The following PPP1R1B variants were observed in gnomAD, a reference collection of about 807,000 sequenced individuals.
PPP1R1B encodes the protein protein phosphatase 1 regulatory inhibitor subunit 1B.
Under a neutral mutation model 28.2 loss-of-function variants are expected in PPP1R1B, and 13 were observed. That is an observed-to-expected ratio of 0.46 (90% CI 0.30 to 0.73). The LOEUF (loss-of-function observed/expected upper bound fraction) is 0.73. PPP1R1B is among the 30% of genes least tolerant of loss of function. The pLI is 0.07. For synonymous variants in PPP1R1B, 102 were observed against 97.5 expected (o/e 1.05, Z -0.27); for missense variants, 236 against 256.7 (o/e 0.92, Z 0.55).
intron 3 of PPP1R1B, 170 bp from the exon 4 acceptor site, chr17:39,629,802 A>T (rs2056862815): frequency 1.2e-6 from 1 of 828,728 alleles, no homozygotes; most frequent in Non-Finnish European, 1.9e-6. Context: ...GCCATGGCTT[A>T]TGGGGGGCCC....
chr17:39,629,792 G>A, intron 3 of PPP1R1B, 180 bp from the exon 4 acceptor site: 1 of 777,450 alleles, frequency 1.3e-6, no homozygotes, highest in Non-Finnish European at 2.1e-6. Flanking sequence ...CCTGAACCAG[G>A]CCATGGCTTA....
At chr17:39,635,234 AAAAC>A (rs938166670) in intron 5 of PPP1R1B, among the ~76,000 whole-genome samples, 6 of 151,968 alleles carry the variant, frequency 3.9e-5, no homozygotes, top group Non-Finnish European at 7.4e-5. Flanking sequence ...ACAACAAAAA[AAAAC>A]AAACAAACAA....
In PPP1R1B at chr17:39,634,076, C is replaced by T; in HGVS notation, c.435C>T (p.Ile145=). The change falls in exon 5 of 7, where the codon ATC becomes ATT. Residue 145 remains isoleucine, a synonymous_variant. Transcript: ENST00000254079. ...EDSQAEVLKV[I]RQSAGQKTTC... ...GCCAGGCTGAAGTCCTGAAGGTCAT[C>T]AGGCAGTCTGGTAAGCTGAGGGGCC... 1.1e-5 allele frequency: 18 copies of T among 1,613,830 alleles called. No individual in the cohort carries two copies. Among genetic ancestry groups the T allele is most frequent in the East Asian group, 2.2e-5 (1 of 44,892 alleles).
At chr17:39,626,820 C>T (rs1325391148), upstream of PPP1R1B, 1 of 152,488 alleles carries the variant, frequency 6.6e-6, no homozygotes, top group African/African-American at 2.4e-5. Flanking sequence ...CCTCCCAGCC[C>T]CAGGAGAACA....
chr17:39,628,457 G>A, intron 1 of PPP1R1B: 1 of 963,682 alleles, frequency 1.0e-6, no homozygotes. Flanking sequence ...GGGGAGGGGG[G>A]CGGTCAGTTG....
At chr17:39,633,823 C>G (rs1196394415) in intron 4 of PPP1R1B, 60 bp from the exon 5 acceptor site, 1 of 1,605,056 alleles carries the variant, frequency 6.2e-7, no homozygotes, top group East Asian at 2.2e-5. Flanking sequence ...CACAGGCTAT[C>G]TCCAGATCCA....
At position 39,629,549 on chromosome 17, in the gene PPP1R1B, C is replaced by G. The variant is rs201594054; in HGVS notation, c.152C>G (p.Ala51Gly). 9.9e-6 allele frequency: 16 copies of G among 1,613,718 alleles called. No homozygotes were observed. Among genetic ancestry groups the G allele is most frequent in the East Asian group, 8.9e-5 (4 of 44,866 alleles). ...LSEHSSPEEE[A>G]SPHQRASGEG... ...TGGTGGCCTTCCTCAGAGGAGGAAG[C>G]CTCCCCCCACCAGGTGAGTTTCCTG... is the stretch of plus-strand genomic sequence containing the variant. Residue 51 changes from alanine (A) to glycine (G), a missense_variant, in exon 3 of 7, where the codon GCC becomes GGC. Ala to Gly is a moderately conservative substitution (Grantham distance 60). Transcript: ENST00000254079.
chr17:39,627,525 C>A, intron 1 of PPP1R1B, 52 bp downstream of exon 1: 2 of 1,184,542 alleles, frequency 1.7e-6, no homozygotes, highest in South Asian at 1.5e-5. Flanking sequence ...CCCCGCGGGG[C>A]TTCTTCGCCC....
chr17:39,635,459 G>A (rs2056912222), intron 5 of PPP1R1B, 148 bp from the exon 6 acceptor site: 3 of 1,045,908 alleles, frequency 2.9e-6, no homozygotes, highest in Middle Eastern at 2.1e-4. Flanking sequence ...TAGTTGCTGG[G>A]AGAGCTGTTC....
intron 5 of PPP1R1B, 26 bp downstream of exon 5, chr17:39,634,112 G>A (rs748096609): frequency 1.2e-6 from 2 of 1,612,716 alleles, no homozygotes; most frequent in South Asian, 2.2e-5. Context: ...TGTGACATGT[G>A]GATTAGCTGT....
chr17:39,631,395 C>T (rs2056876339), intron 4 of PPP1R1B, among the ~76,000 whole-genome samples: 1 of 152,178 alleles, frequency 6.6e-6, no homozygotes, highest in African/African-American at 2.4e-5. Flanking sequence ...CAGAGGGGGA[C>T]TTCTGGGCCA....
upstream of PPP1R1B, chr17:39,626,924 A>C (rs1413905943): frequency 6.4e-6 from 1 of 156,946 alleles, no homozygotes; most frequent in African/African-American, 2.4e-5. Flanking sequence ...TGGGGACCCC[A>C]AAGCTGGGAC....
intron 5 of PPP1R1B, 55 bp downstream of exon 5, chr17:39,634,141 C>G (rs897642322): frequency 1.9e-6 from 3 of 1,600,268 alleles, no homozygotes; most frequent in Admixed American, 3.3e-5. Context: ...CTTGAGTATA[C>G]GAGGACGTCC....
In PPP1R1B at chr17:39,627,387, C is replaced by A; in HGVS notation, c.-6C>A. 1 of 1,598,150 alleles carries A rather than the reference C, an allele frequency of 6.3e-7. No homozygotes were observed. The stretch of plus-strand genomic sequence containing the variant: ...CACCCCAGCCCCACCGCCCACCCCG[C>A]GCGCCATGGACCCCAAGGACCGCAA... On this transcript the variant is annotated 5_prime_UTR_variant, in exon 1 of 7. Coordinates refer to ENST00000254079, the MANE Select transcript of PPP1R1B (RefSeq NM_032192.4).
intron 4 of PPP1R1B, 123 bp downstream of exon 4, chr17:39,630,170 C>A: frequency 1.1e-6 from 1 of 938,072 alleles, no homozygotes; most frequent in Non-Finnish European, 1.7e-6. Flanking sequence ...GTCAGCGTGG[C>A]GCAACAACCC....
At chr17:39,634,457 T>C (rs1433345084) in intron 5 of PPP1R1B, among the ~76,000 whole-genome samples, 2 of 152,190 alleles carry the variant, frequency 1.3e-5, no homozygotes, top group African/African-American at 4.8e-5. Context: ...GTCACCTGCA[T>C]TTCACCTACA....
At chr17:39,633,663 A>T in intron 4 of PPP1R1B, 1 of 642,070 alleles carries the variant, frequency 1.6e-6, no homozygotes, top group Non-Finnish European at 2.5e-6. Flanking sequence ...AGGACAGCTT[A>T]AGAGCCAAAC....
chr17:39,635,778 G>T (rs957223486), intron 6 of PPP1R1B, 38 bp from the exon 7 acceptor site: 13 of 1,612,520 alleles, frequency 8.1e-6, no homozygotes, highest in Middle Eastern at 3.3e-4. Context: ...CTTGGTGGGT[G>T]GGGCCAGGCC....
In PPP1R1B at chr17:39,629,305, C is replaced by G; in HGVS notation, c.142+75C>G. 9 of 1,488,980 alleles carry G rather than the reference C, an allele frequency of 6.0e-6. No individual in the cohort carries two copies. The Middle Eastern group carries it at 6.9e-4, about 114-fold the overall frequency. The allele number at this position is 1,488,980 out of a possible 1,614,324, so 92.2% of individuals were successfully genotyped here. A position where few individuals can be genotyped will look rare whatever the true frequency, so the allele number is the denominator to read the frequency against. On this transcript the variant is annotated intron_variant, in intron 2 of 6. Transcript: ENST00000254079. Reference sequence around the variant, plus strand: ...CCTTCCTAGGGGCCCTGCCAAAGTCCCATGAACAGGAGTCAAAGCTGGAGA... The same window carrying G: ...CCTTCCTAGGGGCCCTGCCAAAGTCGCATGAACAGGAGTCAAAGCTGGAGA...
Sources: gnomAD v4.1 joint callset for allele counts (sites outside exome capture counted in the v4.1 genomes callset) on GRCh38, gnomAD v4.1.1 for gene constraint, MANE v1.5 for transcripts, NCBI Gene and HGNC (gene_info 2026-07-23, HGNC 2026-07-21) for gene names.